MAGI1: variants seen among roughly 807,000 people sequenced by gnomAD.
The protein encoded by MAGI1 is membrane-associated guanylate kinase, WW and PDZ domain-containing protein 1.
In MAGI1, 58 loss-of-function variants were observed where a neutral mutation model predicts 139.9. The ratio of observed to expected loss-of-function variants is 0.41; its 90% CI spans 0.34 to 0.52. The LOEUF (loss-of-function observed/expected upper bound fraction) is 0.52. MAGI1 is among the 20% of genes least tolerant of loss of function. The pLI is 0.12. For synonymous variants in MAGI1, 812 were observed against 737.9 expected (o/e 1.10, Z -1.63); for missense variants, 1,874 against 1,901.6 (o/e 0.99, Z 0.27).
intron 1 of MAGI1, among the ~76,000 whole-genome samples, chr3:66,034,944 G>A (rs1033743707): frequency 2.6e-5 from 4 of 151,990 alleles, no homozygotes; most frequent in South Asian, 2.1e-4. Context: ...AAATTTCTGG[G>A]GTGATGAAAA....
At chr3:65,663,684 T>C (rs1342350065) in intron 1 of MAGI1, among the ~76,000 whole-genome samples, 1 of 152,116 alleles carries the variant, frequency 6.6e-6, no homozygotes, top group Non-Finnish European at 1.5e-5. Flanking sequence ...GAGCCTTCAG[T>C]TAGTGGGGAA....
intron 1 of MAGI1, among the ~76,000 whole-genome samples, chr3:65,742,955 T>A (rs1039928160): frequency 2.6e-5 from 4 of 152,188 alleles, no homozygotes; most frequent in East Asian, 1.9e-4. Context: ...AAAACAGATA[T>A]GAAAATTAGC....
intron 2 of MAGI1, among the ~76,000 whole-genome samples, chr3:65,580,822 C>A (rs989020058): frequency 3.3e-5 from 5 of 152,156 alleles, no homozygotes; most frequent in Non-Finnish European, 7.4e-5. Flanking sequence ...GGTTTCCACA[C>A]ATTAATGTGT....
chr3:65,726,382 G>T (rs2033610756), intron 1 of MAGI1, among the ~76,000 whole-genome samples: 1 of 152,142 alleles, frequency 6.6e-6, no homozygotes, highest in Admixed American at 6.5e-5. Flanking sequence ...TAAAGATATT[G>T]AGTCTCTGAC....
intron 22 of MAGI1, chr3:65,360,301 G>A (rs1298818459): frequency 1.0e-6 from 1 of 983,788 alleles, no homozygotes; most frequent in Non-Finnish European, 1.2e-6. Flanking sequence ...AGAAACTTTG[G>A]TAGACCTTTG....
intron 1 of MAGI1, among the ~76,000 whole-genome samples, chr3:65,711,565 G>T (rs1465475271): frequency 6.6e-6 from 1 of 152,104 alleles, no homozygotes; most frequent in African/African-American, 2.4e-5. Context: ...CTAATCCTCA[G>T]TACCTCAGAA....
At chr3:65,561,424 C>T (rs2080340829) in intron 2 of MAGI1, among the ~76,000 whole-genome samples, 1 of 152,006 alleles carries the variant, frequency 6.6e-6, no homozygotes, top group African/African-American at 2.4e-5. Context: ...AGGAACGAAA[C>T]CCACCACTCA....
intron 1 of MAGI1, among the ~76,000 whole-genome samples, chr3:66,007,876 T>C (rs1048056650): frequency 1.6e-4 from 25 of 151,742 alleles, no homozygotes; most frequent in Non-Finnish European, 3.2e-4. Context: ...CTCTGGAGCT[T>C]ATCTGGCTCC....
At chr3:66,009,832 C>T (rs1213946613) in intron 1 of MAGI1, among the ~76,000 whole-genome samples, 12 of 151,810 alleles carry the variant, frequency 7.9e-5, no homozygotes, top group Non-Finnish European at 4.4e-5. Flanking sequence ...TTTGGGAGGC[C>T]GAGATAGGTG....
chr3:65,388,642 G>T (rs1473131230), intron 14 of MAGI1, among the ~76,000 whole-genome samples: 2 of 151,996 alleles, frequency 1.3e-5, no homozygotes, highest in Non-Finnish European at 2.9e-5. Context: ...CCAGGGGGAG[G>T]TCTCATCATT....
chr3:65,399,003 GA>G (rs1048371439), intron 13 of MAGI1, among the ~76,000 whole-genome samples: 36 of 145,538 alleles, frequency 2.5e-4, no homozygotes, highest in African/African-American at 4.8e-4. Context: ...AAAATCTTAA[GA>G]AAAAAAAAAG....
At chr3:65,496,050 T>C (rs908300352) in intron 2 of MAGI1, among the ~76,000 whole-genome samples, 2 of 152,130 alleles carry the variant, frequency 1.3e-5, no homozygotes, top group Admixed American at 1.3e-4. Flanking sequence ...TTCTTTTATT[T>C]TCCTTTTCAG....
At chr3:65,442,420 T>A (rs904447998) in intron 8 of MAGI1, among the ~76,000 whole-genome samples, 4 of 152,148 alleles carry the variant, frequency 2.6e-5, no homozygotes, top group Admixed American at 2.0e-4. Flanking sequence ...AGTAGACGAA[T>A]CAGATACTCC....
chr3:65,716,215 T>C (rs2032226476), intron 1 of MAGI1, among the ~76,000 whole-genome samples: 1 of 152,326 alleles, frequency 6.6e-6, no homozygotes, highest in Middle Eastern at 3.4e-3. Context: ...GGATCTGGGA[T>C]AGTTTCACAC....
chr3:66,013,594 T>C (rs1224233800), intron 1 of MAGI1, among the ~76,000 whole-genome samples: 2 of 151,196 alleles, frequency 1.3e-5, no homozygotes, highest in African/African-American at 4.9e-5. Flanking sequence ...ACTCCGTCTC[T>C]ACTAAAAATA....
intron 1 of MAGI1, among the ~76,000 whole-genome samples, chr3:65,906,270 G>A (rs769108348): frequency 6.6e-5 from 10 of 152,196 alleles, no homozygotes; most frequent in African/African-American, 1.4e-4. Flanking sequence ...GGAATAGCAC[G>A]TAAAAGCTCC....
rs951121983 is a variant in MAGI1, at chr3:65,439,787, C to A, written c.1270+92G>T. 29 of 1,584,272 alleles carry A rather than the reference C, an allele frequency of 1.8e-5. No homozygotes were observed. The African/African-American group carries it at 3.6e-4, about 20-fold the overall frequency. Reference sequence around the variant, plus strand: ...GTGTGGCAAGAGAGGACTCAATCATCGAGGCCAGTTCTGACCACACGAGGG... The same window carrying A: ...GTGTGGCAAGAGAGGACTCAATCATAGAGGCCAGTTCTGACCACACGAGGG... On this transcript the variant is annotated intron_variant, in intron 9 of 22. Transcript: ENST00000402939.
At chr3:65,851,030 C>T (rs780978219) in intron 1 of MAGI1, among the ~76,000 whole-genome samples, 1 of 151,848 alleles carries the variant, frequency 6.6e-6, no homozygotes, top group Non-Finnish European at 1.5e-5. Flanking sequence ...TTGCTTCAAC[C>T]GGGGAGGCAG....
At position 65,982,191 on chromosome 3, in the gene MAGI1, C is replaced by T. The variant is rs145295987; in HGVS notation, c.313+55805G>A. On this transcript the variant is annotated intron_variant, in intron 1 of 22. Transcript: ENST00000402939. ...CCTCTTGGTCGAGTTCCCTGAGCAT[C>T]GGCCCTCTCCTGTGGCTTTGGGAAG... Among the ~76,000 whole-genome samples, 7 of 152,330 alleles carry T rather than the reference C, an allele frequency of 4.6e-5. No homozygotes were observed. In the East Asian group the frequency reaches 1.4e-3, roughly 29 times the overall value.
Sources: allele counts gnomAD v4.1 joint callset (sites outside exome capture counted in the v4.1 genomes callset), GRCh38; gene constraint gnomAD v4.1.1; transcripts MANE v1.5; gene names NCBI Gene and HGNC (gene_info 2026-07-23, HGNC 2026-07-21).